Variants in PCDHGB5 observed in about 807,000 individuals in gnomAD.
PCDHGB5 encodes the protein protocadherin gamma-B5.
A neutral mutation model predicts 62.9 loss-of-function variants in PCDHGB5; 48 were observed. The ratio of observed to expected loss-of-function variants is 0.76; its 90% CI spans 0.61 to 0.97. The LOEUF is 0.97. Ranked by LOEUF, PCDHGB5 falls within the 50% of genes least tolerant of loss-of-function variation. The probability of loss-of-function intolerance (pLI) is 0.00; values close to 1 mark genes in which losing one functional copy is unlikely to be tolerated. For missense variants in PCDHGB5, 1,118 were observed against 1,198.6 expected (o/e 0.93, Z 0.99); for synonymous variants, 474 against 511.2 (o/e 0.93, Z 0.98).
intron 1 of PCDHGB5, chr5:141,405,386 T>C (rs2094651618): frequency 6.9e-6 from 11 of 1,595,500 alleles, no homozygotes; most frequent in Non-Finnish European, 7.7e-6. Flanking sequence ...GGTGAGTTCA[T>C]TTTTTTTCTT....
intron 1 of PCDHGB5, chr5:141,414,929 C>T (rs2095802879): frequency 6.2e-7 from 1 of 1,614,152 alleles, no homozygotes; most frequent in Non-Finnish European, 8.5e-7. Context: ...GCGCCCCGCT[C>T]CGCAGAGCCC....
chr5:141,503,616 A>G (rs1260134621), intron 2 of PCDHGB5, among the ~76,000 whole-genome samples: 2 of 150,944 alleles, frequency 1.3e-5, no homozygotes, highest in African/African-American at 2.4e-5. Context: ...AAAAAAAAAG[A>G]AAAAAGAAAA....
intron 3 of PCDHGB5, among the ~76,000 whole-genome samples, chr5:141,509,620 C>G (rs1321910971): frequency 6.6e-6 from 1 of 152,188 alleles, no homozygotes; most frequent in African/African-American, 2.4e-5. Context: ...TAAACAAGTT[C>G]CTGGGTGATG....
chr5:141,419,389 G>C (rs551951411), intron 1 of PCDHGB5: 1 of 1,613,670 alleles, frequency 6.2e-7, no homozygotes, highest in South Asian at 1.1e-5. Context: ...TGAGCGCGCA[G>C]AGCGGGGTGG....
chr5:141,417,900 G>C, intron 1 of PCDHGB5: 2 of 1,583,452 alleles, frequency 1.3e-6, no homozygotes, highest in Non-Finnish European at 1.7e-6. Context: ...GCCGGCCCGC[G>C]GCAGGTACTA....
At chr5:141,443,137 A>G (rs1202995621) in intron 1 of PCDHGB5, among the ~76,000 whole-genome samples, 1 of 152,174 alleles carries the variant, frequency 6.6e-6, no homozygotes, top group Non-Finnish European at 1.5e-5. Flanking sequence ...GAACACTATC[A>G]TAAGTTATAC....
intron 1 of PCDHGB5, among the ~76,000 whole-genome samples, chr5:141,492,165 C>T (rs932762928): frequency 1.4e-4 from 22 of 152,210 alleles, no homozygotes; most frequent in African/African-American, 4.8e-4. Context: ...TCCCTATCCC[C>T]GCATCACCCA....
intron 1 of PCDHGB5, among the ~76,000 whole-genome samples, chr5:141,437,093 C>T (rs1382920904): frequency 2.6e-5 from 4 of 152,136 alleles, no homozygotes; most frequent in East Asian, 1.9e-4. Flanking sequence ...TTGAAACTAA[C>T]GGCTTAGCTT....
intron 1 of PCDHGB5, among the ~76,000 whole-genome samples, chr5:141,463,762 T>C (rs113547206): frequency 2.0e-5 from 3 of 152,214 alleles, no homozygotes; most frequent in African/African-American, 4.8e-5. Flanking sequence ...TCTTCTCTTA[T>C]GGGTTAGAAT....
intron 2 of PCDHGB5, among the ~76,000 whole-genome samples, chr5:141,500,184 TTTTATTTATTTATTTATTTA>T (rs58019021): frequency 1.5e-5 from 2 of 135,966 alleles, no homozygotes; most frequent in Non-Finnish European, 3.2e-5. Flanking sequence ...TCATTTTTAT[TTTTATTTATTTATTTATTTA>T]TTTATTTATT....
At chr5:141,419,548 G>C in intron 1 of PCDHGB5, 1 of 1,611,976 alleles carries the variant, frequency 6.2e-7, no homozygotes, top group Non-Finnish European at 8.5e-7. Context: ...CGCGGGTGCT[G>C]TACCCTGCGC....
chr5:141,415,305 C>G (rs200439097), intron 1 of PCDHGB5: 1 of 1,614,234 alleles, frequency 6.2e-7, no homozygotes, highest in African/African-American at 1.3e-5. Context: ...TCTTCCTGGC[C>G]TTCGTCATCG....
In PCDHGB5 at chr5:141,512,385, A is replaced by G. The variant is rs78180647; in HGVS notation, c.*1212A>G. 6,750 of 152,704 alleles carry G rather than the reference A, an allele frequency of 0.044. 413 individuals carry two copies. Among genetic ancestry groups the G allele is most frequent in the Admixed American group, 0.18 (2,745 of 15,296 alleles). The allele number at this position is 152,704 out of a possible 1,614,324, so 9.5% of individuals were successfully genotyped here. ...TAGGGCAGGGACCAAATGAACAGAAAGTCTCAGCCCAGGATGGGGCTTCTT... is the reference window on the plus strand; with the variant it reads ...TAGGGCAGGGACCAAATGAACAGAAGGTCTCAGCCCAGGATGGGGCTTCTT... On this transcript the variant is annotated 3_prime_UTR_variant, in exon 4 of 4. Coordinates refer to ENST00000617380, the MANE Select transcript of PCDHGB5 (RefSeq NM_018925.3).
At chr5:141,417,423 C>T (rs1252792899) in intron 1 of PCDHGB5, 1 of 159,686 alleles carries the variant, frequency 6.3e-6, no homozygotes, top group African/African-American at 2.4e-5. Context: ...TATGTAAATT[C>T]AGTAAATAAA....
chr5:141,479,050 C>G (rs1484021560), intron 1 of PCDHGB5, among the ~76,000 whole-genome samples: 1 of 152,164 alleles, frequency 6.6e-6, no homozygotes, highest in South Asian at 2.1e-4. Context: ...ACCTCATTCT[C>G]AGATAATTTT....
intron 1 of PCDHGB5, among the ~76,000 whole-genome samples, chr5:141,450,812 T>A (rs2098694727): frequency 7.5e-6 from 1 of 133,924 alleles, no homozygotes; most frequent in Admixed American, 7.4e-5. Context: ...ATTTATTTAT[T>A]TAATATTATT....
intron 1 of PCDHGB5, chr5:141,421,999 TC>T: frequency 9.9e-6 from 16 of 1,609,214 alleles, no homozygotes; most frequent in Non-Finnish European, 1.4e-5. Context: ...AAACATCAGC[TC>T]CGGAACTCGG....
At chr5:141,501,983 C>T (rs957901405) in intron 2 of PCDHGB5, among the ~76,000 whole-genome samples, 1 of 152,068 alleles carries the variant, frequency 6.6e-6, no homozygotes, top group Non-Finnish European at 1.5e-5. Context: ...CATCTGGTCC[C>T]GTTGTCTCCC....
chr5:141,489,293 T>G lies in PCDHGB5; in HGVS notation c.2398-5514T>G. The G allele has an allele frequency of 6.3e-7, 1 of 1,579,940 alleles. No homozygotes were observed. Among genetic ancestry groups the G allele is most frequent in the Non-Finnish European group, 8.6e-7 (1 of 1,162,928 alleles). ...GCTGGGAAATGGCAAGTGCTGTGCA[T>G]GTTGTCCTTGTGCTGCTGGGGCTGG... On this transcript the variant is annotated intron_variant, in intron 1 of 3. Transcript: ENST00000617380. This position sits in a 1 kb window ranked among gnomAD's most constrained non-coding sequence, Gnocchi z 4.5.
Sources: allele counts gnomAD v4.1 joint callset (sites outside exome capture counted in the v4.1 genomes callset), GRCh38; gene constraint gnomAD v4.1.1; non-coding constraint Gnocchi (gnomAD v3.1); transcripts MANE v1.5; gene names NCBI Gene and HGNC (gene_info 2026-07-23, HGNC 2026-07-21).